The following KALRN variants were observed in gnomAD, a reference collection of about 807,000 sequenced individuals.
KALRN encodes the protein kalirin.
Under a neutral mutation model 353.7 loss-of-function variants are expected in KALRN, and 70 were observed. That is an observed-to-expected ratio of 0.20 (90% CI 0.16 to 0.24). The LOEUF (loss-of-function observed/expected upper bound fraction) is 0.24, where lower values mean the gene tolerates loss of function less well. KALRN is among the 10% of genes least tolerant of loss of function. The pLI is 1.00. For missense variants in KALRN, 2,791 were observed against 3,756.7 expected, an observed-to-expected ratio of 0.74 and a Z score of 6.72; for synonymous variants, 1,391 against 1,434.8, an observed-to-expected ratio of 0.97 and a Z score of 0.69.
chr3:124,109,640 G>T (rs1357877122), intron 1 of KALRN, among the ~76,000 whole-genome samples: 1 of 150,384 alleles, frequency 6.6e-6, no homozygotes, highest in African/African-American at 2.4e-5. Context: ...AAATAAAAAT[G>T]GAATATATTT....
chr3:124,065,258 C>T (rs963953526), intron 1 of KALRN, among the ~76,000 whole-genome samples: 7 of 152,120 alleles, frequency 4.6e-5, no homozygotes, highest in Non-Finnish European at 1.0e-4. Flanking sequence ...AGCATATGAG[C>T]CAACACTGCA....
At chr3:124,636,593 T>C (rs982149861) in intron 36 of KALRN, among the ~76,000 whole-genome samples, 4 of 152,020 alleles carry the variant, frequency 2.6e-5, no homozygotes, top group African/African-American at 9.7e-5. Flanking sequence ...CTATGCTTTG[T>C]GGAGGGGTAA....
Position 124,564,548 on chromosome 3 carries a change from A to G in KALRN, c.5182+1459A>G, listed in dbSNP as rs188378400. On this transcript the variant is annotated intron_variant, in intron 34 of 59. Transcript: ENST00000682506. ...AAATTTTAGCCAGGCATGGTGGCAC[A>G]CACCCATAGTTCCAGCTACTCAGTG... 3.1e-3 allele frequency among the ~76,000 whole-genome samples: 478 copies of G among 152,082 alleles called. 4 individuals carry two copies. The highest frequency in any genetic ancestry group is 4.2e-3 in the Non-Finnish European group (284 of 67,974).
chr3:124,069,064 T>C (rs1170670846), intron 1 of KALRN, among the ~76,000 whole-genome samples: 2 of 152,196 alleles, frequency 1.3e-5, no homozygotes, highest in Non-Finnish European at 2.9e-5. Flanking sequence ...CTAGTATTTA[T>C]TGAATACCCT....
At chr3:124,568,038 C>T (rs960288041) in intron 34 of KALRN, among the ~76,000 whole-genome samples, 3 of 152,068 alleles carry the variant, frequency 2.0e-5, no homozygotes, top group African/African-American at 7.2e-5. Context: ...GGTTGAGAAC[C>T]ACTGCTTTGT....
At chr3:124,691,051 G>A (rs1243896667) in intron 51 of KALRN, among the ~76,000 whole-genome samples, 2 of 152,216 alleles carry the variant, frequency 1.3e-5, no homozygotes, top group Non-Finnish European at 2.9e-5. Context: ...AGGTACAAAG[G>A]TGAGTGACAA....
chr3:124,685,042 C>G (rs1215504156), intron 51 of KALRN, among the ~76,000 whole-genome samples: 3 of 152,206 alleles, frequency 2.0e-5, no homozygotes, highest in East Asian at 1.9e-4. Context: ...CACCCCCAGC[C>G]AGGTGACCAA....
At chr3:124,690,171 T>A (rs567050103) in intron 51 of KALRN, among the ~76,000 whole-genome samples, 1 of 152,106 alleles carries the variant, frequency 6.6e-6, no homozygotes, top group South Asian at 2.1e-4. Context: ...ATATGGCCCA[T>A]TAGAATTCAA....
rs189610372 is a variant in KALRN at position 124,372,501 on chromosome 3, G to C, written c.1771-12344G>C. On this transcript the variant is annotated intron_variant, in intron 10 of 59. Coordinates refer to ENST00000682506, the MANE Select transcript of KALRN (RefSeq NM_001388419.1). ...CAGTTTTCTTATCTATAATATAATA[G>C]CATAATCATTATCATTATCAGTAGT... Among the ~76,000 whole-genome samples, 159 of 133,088 alleles carry C rather than the reference G, an allele frequency of 1.2e-3. 3 individuals are homozygous for C. The East Asian group carries it at 0.031, about 26-fold the overall frequency. 87.3% of individuals were successfully genotyped at this position (133,088 alleles called of 152,430 possible).
In KALRN at chr3:124,721,017, A is replaced by G. The variant is rs573515978; in HGVS notation, c.*1547A>G. 1 of 152,228 alleles carries G rather than the reference A, an allele frequency of 6.6e-6. No homozygotes were observed. Among genetic ancestry groups the G allele is most frequent in the African/African-American group, 2.4e-5 (1 of 41,456 alleles). The allele number at this position is 152,228 out of a possible 1,614,324, so 9.4% of individuals were successfully genotyped here. A position where few individuals can be genotyped will look rare whatever the true frequency, so the allele number is the denominator to read the frequency against. On this transcript the variant is annotated 3_prime_UTR_variant, in exon 60 of 60. Coordinates refer to ENST00000682506, the MANE Select transcript of KALRN (RefSeq NM_001388419.1). ...CTCCTATAATGGGATAGAGAAAATT[A>G]AAATCACGTAGTACAGAAGTGCAAG...
At chr3:124,320,055 G>C (rs544035819) in intron 6 of KALRN, among the ~76,000 whole-genome samples, 1 of 152,106 alleles carries the variant, frequency 6.6e-6, no homozygotes, top group South Asian at 2.1e-4. Context: ...TGCTTCCCTC[G>C]TATGTATAAC....
chr3:124,412,905 G>A (rs2092279422), intron 13 of KALRN, among the ~76,000 whole-genome samples: 1 of 152,200 alleles, frequency 6.6e-6, no homozygotes, highest in South Asian at 2.1e-4. Context: ...CTCTTTAACT[G>A]ATTGTGTAAC....
intron 51 of KALRN, among the ~76,000 whole-genome samples, chr3:124,690,540 C>A (rs1035819202): frequency 6.6e-6 from 1 of 152,106 alleles, no homozygotes; most frequent in Non-Finnish European, 1.5e-5. Flanking sequence ...AGCAGGTAGG[C>A]CTTTGATGTC....
chr3:124,635,654 C>A (rs1002842892), intron 36 of KALRN, among the ~76,000 whole-genome samples: 1 of 152,106 alleles, frequency 6.6e-6, no homozygotes, highest in Non-Finnish European at 1.5e-5. Flanking sequence ...TTTAAAAGTT[C>A]ACCGTTGTAA....
rs536103413 is a variant in KALRN at position 124,159,086 on chromosome 3, C to T, written c.74-68904C>T. On this transcript the variant is annotated intron_variant, in intron 1 of 59. Coordinates refer to ENST00000682506, the MANE Select transcript of KALRN (RefSeq NM_001388419.1). Reference sequence around the variant, plus strand: ...AACCCACCATCTAGTCAGATGGGGTCTTCTCATAGTCCCCTAAAAATTCCA... The same window carrying T: ...AACCCACCATCTAGTCAGATGGGGTTTTCTCATAGTCCCCTAAAAATTCCA... 3.8e-3 allele frequency among the ~76,000 whole-genome samples: 577 copies of T among 152,262 alleles called. 2 individuals are homozygous for T. Among genetic ancestry groups the T allele is most frequent in the African/African-American group, 0.013 (546 of 41,548 alleles).
At chr3:124,491,288 CT>C (rs746190782) in intron 30 of KALRN, 34 bp from the exon 31 acceptor site, 1 of 1,487,042 alleles carries the variant, frequency 6.7e-7, no homozygotes, top group Admixed American at 2.0e-5. Flanking sequence ...CTGCCCTCCC[CT>C]TCCCCGCCTC....
intron 1 of KALRN, among the ~76,000 whole-genome samples, chr3:124,122,638 AT>A (rs1374752377): frequency 6.6e-6 from 1 of 152,180 alleles, no homozygotes; most frequent in Non-Finnish European, 1.5e-5. Context: ...TGATGTTACT[AT>A]TATGATTGGG....
intron 23 of KALRN, among the ~76,000 whole-genome samples, chr3:124,460,111 T>C (rs931449528): frequency 6.6e-6 from 1 of 152,180 alleles, no homozygotes; most frequent in African/African-American, 2.4e-5. Context: ...TATGCCTGTA[T>C]CAAAAATTCC....
chr3:124,265,253 A>G (rs574874470), intron 4 of KALRN, among the ~76,000 whole-genome samples: 37 of 141,086 alleles, frequency 2.6e-4, no homozygotes, highest in Non-Finnish European at 4.3e-4. Flanking sequence ...TATTCCTTCT[A>G]TTTGACTGTA....
Sources: allele counts gnomAD v4.1 joint callset (sites outside exome capture counted in the v4.1 genomes callset), GRCh38; gene constraint gnomAD v4.1.1; transcripts MANE v1.5; gene names NCBI Gene and HGNC (gene_info 2026-07-23, HGNC 2026-07-21).